LRRC19: variants seen among roughly 807,000 people sequenced by gnomAD.
LRRC19 encodes the protein leucine-rich repeat-containing protein 19.
A neutral mutation model predicts 33.3 loss-of-function variants in LRRC19; 33 were observed. That is an observed-to-expected ratio of 0.99 (90% confidence interval 0.75 to 1.33). The LOEUF (loss-of-function observed/expected upper bound fraction) is 1.33, where lower values mean the gene tolerates loss of function less well. Ranked by LOEUF, LRRC19 falls within the 40% of genes most tolerant of loss-of-function variation. The pLI is 0.00. For synonymous variants in LRRC19, 184 were observed against 152.3 expected (o/e 1.21, Z -1.53); for missense variants, 463 against 417.3 (o/e 1.11, Z -0.95).
At chr9:27,002,744 T>C (rs182151045) in intron 1 of LRRC19, among the ~76,000 whole-genome samples, 1 of 152,328 alleles carries the variant, frequency 6.6e-6, no homozygotes, top group South Asian at 2.1e-4. Context: ...CTTTGTTCCT[T>C]TTTGCTGAGG....
At chr9:26,998,954 A>G (rs191613026) in intron 2 of LRRC19, among the ~76,000 whole-genome samples, 1 of 152,210 alleles carries the variant, frequency 6.6e-6, no homozygotes, top group East Asian at 1.9e-4. Flanking sequence ...AGATCATGCC[A>G]TTACACTCCA....
At chr9:26,998,290 G>T (rs752509938) in intron 2 of LRRC19, 49 bp from the exon 3 acceptor site, 18 of 1,117,796 alleles carry the variant, frequency 1.6e-5, no homozygotes, top group African/African-American at 3.2e-5. Context: ...AAAATTAATA[G>T]AATTTCACCA....
chr9:27,001,220 G>C (rs1828468007), intron 1 of LRRC19, among the ~76,000 whole-genome samples: 1 of 152,008 alleles, frequency 6.6e-6, no homozygotes, highest in African/African-American at 2.4e-5. Context: ...TGGGCACTTA[G>C]GTTGATTCCA....
chr9:27,005,580 T>C lies in LRRC19; in HGVS notation c.-10+12A>G, dbSNP rs138165130. 7.6e-4 allele frequency: 116 copies of C among 152,106 alleles called. No homozygotes were observed. Among genetic ancestry groups the C allele is most frequent in the African/African-American group, 2.6e-3 (108 of 41,528 alleles). The allele number at this position is 152,106 out of a possible 1,614,324, so 9.4% of individuals were successfully genotyped here. On this transcript the variant is annotated intron_variant, in intron 1 of 4. Transcript: ENST00000380055. The stretch of plus-strand genomic sequence containing the variant: ...ACAACAATAACCAAAGCTATAAATA[T>C]ACATATCTTACCTTTTTTTCTTTTG...
At chr9:27,002,609 AT>A (rs1828561132) in intron 1 of LRRC19, among the ~76,000 whole-genome samples, 1 of 152,224 alleles carries the variant, frequency 6.6e-6, no homozygotes, top group East Asian at 1.9e-4. Flanking sequence ...AAATGTGTGT[AT>A]TTATATCTGA....
At position 26,995,331 on chromosome 9, in the gene LRRC19, G is replaced by A; in HGVS notation, c.*190C>T. On this transcript the variant is annotated 3_prime_UTR_variant, in exon 5 of 5. Coordinates refer to ENST00000380055, the MANE Select transcript of LRRC19 (RefSeq NM_022901.3). ...GACTATGTAACTGTCAACTACCGAG[G>A]AGTGTCAGTTACTGTATTTGAACCT... The A allele has an allele frequency of 2.0e-6, 1 of 506,904 alleles. No homozygotes were observed. The highest frequency in any genetic ancestry group is 2.4e-5 in the South Asian group (1 of 42,400). The allele number at this position is 506,904 out of a possible 1,614,324, so 31.4% of individuals were successfully genotyped here.
In LRRC19 at chr9:26,996,390, A is replaced by G; in HGVS notation, c.705T>C (p.Thr235=). The G allele has an allele frequency of 1.2e-6, 2 of 1,611,146 alleles. No homozygotes were observed. The highest frequency in any genetic ancestry group is 1.7e-6 in the Non-Finnish European group (2 of 1,178,072). Residue 235 remains threonine, a synonymous_variant, in exon 4 of 5, where the codon ACT becomes ACC. Coordinates refer to ENST00000380055, the MANE Select transcript of LRRC19 (RefSeq NM_022901.3). The stretch of plus-strand genomic sequence containing the variant: ...GCTGAAAATGAATATAAAGATCTTC[A>G]GTTACTGATGAAGGAAATTTTGAGT... ...ECHSKFPSSV[T]EDLYIHFQPI...
At position 26,994,892 on chromosome 9, in the gene LRRC19, T is replaced by C. The variant is rs1249709639; in HGVS notation, c.*629A>G. 6.6e-6 allele frequency: 1 copy of C among 152,568 alleles called. No homozygotes were observed. Among genetic ancestry groups the C allele is most frequent in the East Asian group, 1.9e-4 (1 of 5,190 alleles). 9.5% of individuals were successfully genotyped at this position (152,568 alleles called of 1,614,324 possible). A position where few individuals can be genotyped will look rare whatever the true frequency, so the allele number is the denominator to read the frequency against. ...ATTAAACTGTAGTGATCCTGCATTA[T>C]GGTGACAGCCTTTCTTTATAACCAG... On this transcript the variant is annotated 3_prime_UTR_variant, in exon 5 of 5. Transcript: ENST00000380055.
rs1202252739 is a variant in LRRC19 at position 26,999,723 on chromosome 9, T to G, written c.-9-20A>C. The G allele has an allele frequency of 3.3e-6, 5 of 1,512,202 alleles. No individual in the cohort carries two copies. The highest frequency in any genetic ancestry group is 4.5e-6 in the Non-Finnish European group (5 of 1,110,092). 93.7% of individuals were successfully genotyped at this position (1,512,202 alleles called of 1,614,324 possible). A position where few individuals can be genotyped will look rare whatever the true frequency, so the allele number is the denominator to read the frequency against. On this transcript the variant is annotated intron_variant, in intron 1 of 4. Coordinates refer to ENST00000380055, the MANE Select transcript of LRRC19 (RefSeq NM_022901.3). ...GCAGACCTGATAGAAAAGAGAGTAT[T>G]TTCATTAAGGACATTTTTATTTTTC... is the stretch of plus-strand genomic sequence containing the variant.
chr9:27,001,839 A>G (rs1191690169), intron 1 of LRRC19, among the ~76,000 whole-genome samples: 1 of 151,230 alleles, frequency 6.6e-6, no homozygotes, highest in Non-Finnish European at 1.5e-5. Flanking sequence ...CCATTTGTAC[A>G]TTTTTGCTTT....
At chr9:26,999,790 T>G (rs1234009499) in intron 1 of LRRC19, 87 bp from the exon 2 acceptor site, 8 of 812,254 alleles carry the variant, frequency 9.8e-6, no homozygotes, top group Non-Finnish European at 1.5e-5. Context: ...TTTTTTTTTT[T>G]TGGCTGAGAC....
intron 1 of LRRC19, among the ~76,000 whole-genome samples, chr9:27,000,820 C>T (rs1756922926): frequency 6.6e-6 from 1 of 152,084 alleles, no homozygotes; most frequent in African/African-American, 2.4e-5. Context: ...GCACATGTAC[C>T]CCGGAACTTA....
intron 2 of LRRC19, among the ~76,000 whole-genome samples, chr9:26,999,314 T>C (rs943483216): frequency 5.9e-5 from 9 of 152,176 alleles, no homozygotes; most frequent in African/African-American, 2.2e-4. Context: ...CTCTCATAAA[T>C]ATGTGCTTTT....
At chr9:26,998,939 A>C (rs1450987958) in intron 2 of LRRC19, among the ~76,000 whole-genome samples, 1 of 152,180 alleles carries the variant, frequency 6.6e-6, no homozygotes, top group Non-Finnish European at 1.5e-5. Context: ...GGTTGCAGTG[A>C]GCTGAGATCA....
intron 4 of LRRC19, 56 bp from the exon 5 acceptor site, chr9:26,995,905 T>TA (rs1828130970): frequency 1.6e-6 from 2 of 1,212,278 alleles, no homozygotes; most frequent in Non-Finnish European, 2.3e-6. Context: ...GTTGGCAAAA[T>TA]AATCATAATT....
chr9:26,994,651 T>A lies in LRRC19; in HGVS notation c.*870A>T, dbSNP rs1828052844. On this transcript the variant is annotated 3_prime_UTR_variant, in exon 5 of 5. Transcript: ENST00000380055. ...TTCTTCTTCTGTAAATACTTGTGAA[T>A]GTCTCTCTGGAAATTAGTATTCTAG... is the stretch of plus-strand genomic sequence containing the variant. The A allele has an allele frequency of 3.9e-5, 6 of 152,718 alleles. No homozygotes were observed. The South Asian group carries it at 1.2e-3, about 32-fold the overall frequency. 9.5% of individuals were successfully genotyped at this position (152,718 alleles called of 1,614,324 possible).
intron 1 of LRRC19, among the ~76,000 whole-genome samples, chr9:27,002,635 T>A (rs1281312840): frequency 6.6e-6 from 1 of 152,220 alleles, no homozygotes; most frequent in Non-Finnish European, 1.5e-5. Flanking sequence ...TCTATTCCAT[T>A]CCATTGGTCT....
Position 26,999,664 on chromosome 9 carries a change from A to G in LRRC19, c.31T>C (p.Trp11Arg). The G allele has an allele frequency of 6.2e-7, 1 of 1,610,486 alleles. No individual in the cohort carries two copies. The highest frequency in any genetic ancestry group is 1.7e-5 in the Admixed American group (1 of 59,692). ...GATAATAATATCATGGAGAGGGGCCAAAAGAGGATTGTGATGCCTGTGACT... is the reference window on the plus strand; with the variant it reads ...GATAATAATATCATGGAGAGGGGCCGAAAGAGGATTGTGATGCCTGTGACT... MKVTGITILF[W>R]PLSMILLSDK... The change falls in exon 2 of 5, where the codon TGG becomes CGG. Residue 11 changes from tryptophan (W) to arginine (R), a missense_variant. Transcript: ENST00000380055.
chr9:26,999,377 C>G (rs1275600213), intron 2 of LRRC19, among the ~76,000 whole-genome samples: 1 of 152,018 alleles, frequency 6.6e-6, no homozygotes, highest in African/African-American at 2.4e-5. Flanking sequence ...AAACTAATTT[C>G]TGATTTTATA....
Sources: gnomAD v4.1 joint callset for allele counts (sites outside exome capture counted in the v4.1 genomes callset) on GRCh38, gnomAD v4.1.1 for gene constraint, MANE v1.5 for transcripts, NCBI Gene and HGNC (gene_info 2026-07-23, HGNC 2026-07-21) for gene names.